Variants in CDH13 observed in about 807,000 individuals in gnomAD.
The protein encoded by CDH13 is cadherin 13.
Under a neutral mutation model 63.8 loss-of-function variants are expected in CDH13, and 24 were observed. That is an observed-to-expected ratio of 0.38 (90% confidence interval 0.27 to 0.53). CDH13 has a LOEUF of 0.53. CDH13 is among the 20% of genes least tolerant of loss of function. The pLI is 0.85. For missense variants in CDH13, 1,049 were observed against 903.1 expected, an observed-to-expected ratio of 1.16 and a Z score of -2.07; for synonymous variants, 503 against 355.3, an observed-to-expected ratio of 1.42 and a Z score of -4.67.
intron 3 of CDH13, among the ~76,000 whole-genome samples, chr16:83,046,016 A>G (rs1597214659): frequency 1.3e-5 from 2 of 152,380 alleles, no homozygotes; most frequent in East Asian, 1.9e-4. Flanking sequence ...CCAGGGTGGC[A>G]TCTGCTGTTG....
intron 2 of CDH13, among the ~76,000 whole-genome samples, chr16:82,879,144 A>T (rs2040606246): frequency 6.6e-6 from 1 of 152,142 alleles, no homozygotes; most frequent in South Asian, 2.1e-4. Flanking sequence ...TGGACATCAC[A>T]GCTCTGGTCC....
intron 5 of CDH13, among the ~76,000 whole-genome samples, chr16:83,274,233 T>A (rs1023924349): frequency 2.0e-5 from 3 of 152,182 alleles, no homozygotes; most frequent in Admixed American, 2.0e-4. Context: ...AAGGTGGCCT[T>A]AGGGAAAGGC....
chr16:83,676,602 A>G (rs911186780), intron 9 of CDH13, among the ~76,000 whole-genome samples: 1 of 152,218 alleles, frequency 6.6e-6, no homozygotes, highest in Non-Finnish European at 1.5e-5. Flanking sequence ...CTGTGTTACA[A>G]GGATTGAACC....
At chr16:83,246,673 G>A (rs942526739) in intron 5 of CDH13, among the ~76,000 whole-genome samples, 3 of 152,092 alleles carry the variant, frequency 2.0e-5, no homozygotes, top group Non-Finnish European at 4.4e-5. Flanking sequence ...TCACTTGAAC[G>A]GGTGAAATTA....
intron 10 of CDH13, among the ~76,000 whole-genome samples, chr16:83,707,836 C>CAAAAAAAAAAAAAGAAA (rs1907343152): frequency 1.3e-5 from 1 of 78,902 alleles, no homozygotes; most frequent in Non-Finnish European, 2.3e-5. Context: ...ACCCTAAAGG[C>CAAAAAAAAAAAAAGAAA]AAAAAAAAAA....
At chr16:83,577,570 C>T (rs1053888001) in intron 7 of CDH13, among the ~76,000 whole-genome samples, 1 of 152,114 alleles carries the variant, frequency 6.6e-6, no homozygotes, top group Admixed American at 6.5e-5. Flanking sequence ...TTACTAATGG[C>T]CATCACATCT....
At chr16:83,270,133 C>T (rs776672076) in intron 5 of CDH13, among the ~76,000 whole-genome samples, 3 of 152,148 alleles carry the variant, frequency 2.0e-5, no homozygotes, top group Non-Finnish European at 4.4e-5. Flanking sequence ...AGAGATACTG[C>T]TGTTTCTTTA....
At chr16:82,938,830 T>C (rs1310328023) in intron 2 of CDH13, among the ~76,000 whole-genome samples, 4 of 152,312 alleles carry the variant, frequency 2.6e-5, no homozygotes, top group East Asian at 3.9e-4. Flanking sequence ...TTCAGAGTTA[T>C]CCATCCTGAG....
chr16:83,737,334 T>C (rs186288298), intron 10 of CDH13, among the ~76,000 whole-genome samples: 25 of 152,234 alleles, frequency 1.6e-4, no homozygotes, highest in African/African-American at 5.8e-4. Context: ...TCGAAGTTAC[T>C]AAGAGCCTTC....
intron 1 of CDH13, among the ~76,000 whole-genome samples, chr16:82,777,438 C>A (rs929667109): frequency 1.3e-5 from 2 of 152,206 alleles, no homozygotes; most frequent in Non-Finnish European, 2.9e-5. Flanking sequence ...TAACTCCACA[C>A]TGTGGTCTTT....
chr16:83,612,558 T>C (rs1348721922), intron 8 of CDH13, among the ~76,000 whole-genome samples: 1 of 152,120 alleles, frequency 6.6e-6, no homozygotes, highest in Non-Finnish European at 1.5e-5. Context: ...AAGTATTTGT[T>C]TTCTATTTGT....
intron 6 of CDH13, among the ~76,000 whole-genome samples, chr16:83,386,462 A>T (rs531097137): frequency 6.6e-6 from 1 of 152,304 alleles, no homozygotes; most frequent in Non-Finnish European, 1.5e-5. Flanking sequence ...TATATTTTTG[A>T]TGTATGCTCT....
intron 1 of CDH13, among the ~76,000 whole-genome samples, chr16:82,732,272 A>T (rs1434529519): frequency 1.3e-5 from 2 of 151,362 alleles, no homozygotes; most frequent in Admixed American, 6.6e-5. Context: ...ATTGTGATTT[A>T]AAAAAAAATA....
chr16:82,669,654 A>G (rs1388299288), intron 1 of CDH13, among the ~76,000 whole-genome samples: 1 of 152,234 alleles, frequency 6.6e-6, no homozygotes, highest in Non-Finnish European at 1.5e-5. Context: ...CCCAATTAAG[A>G]TGCTGTTTCT....
intron 7 of CDH13, among the ~76,000 whole-genome samples, chr16:83,490,970 G>A (rs1359515109): frequency 6.6e-6 from 1 of 152,172 alleles, no homozygotes; most frequent in East Asian, 1.9e-4. Flanking sequence ...ATAAATAATA[G>A]GCACTGGATA....
chr16:82,796,882 T>G (rs558823226), intron 1 of CDH13, among the ~76,000 whole-genome samples: 5 of 152,338 alleles, frequency 3.3e-5, no homozygotes, highest in African/African-American at 9.6e-5. Flanking sequence ...CGGCTGCACC[T>G]GTGGACCTAT....
At chr16:83,531,690 C>G (rs1225035628) in intron 7 of CDH13, among the ~76,000 whole-genome samples, 2 of 152,180 alleles carry the variant, frequency 1.3e-5, no homozygotes, top group African/African-American at 4.8e-5. Context: ...GATGTGGCCA[C>G]TAACCCAGAA....
intron 1 of CDH13, among the ~76,000 whole-genome samples, chr16:82,722,025 G>C (rs1390808426): frequency 2.6e-5 from 4 of 152,166 alleles, no homozygotes; most frequent in Non-Finnish European, 5.9e-5. Flanking sequence ...ACTGCCACTG[G>C]GCCCATCGGG....
At chr16:83,259,358 A>G (rs1055643440) in intron 5 of CDH13, among the ~76,000 whole-genome samples, 5 of 152,182 alleles carry the variant, frequency 3.3e-5, no homozygotes, top group Admixed American at 3.3e-4. Flanking sequence ...CGAGTCTTCC[A>G]TAAAGGTTAG....
Sources: gnomAD v4.1 joint callset for allele counts (sites outside exome capture counted in the v4.1 genomes callset) on GRCh38, gnomAD v4.1.1 for gene constraint, MANE v1.5 for transcripts, NCBI Gene and HGNC (gene_info 2026-07-23, HGNC 2026-07-21) for gene names.